LPGAT1: variants seen among roughly 807,000 people sequenced by gnomAD.
LPGAT1 encodes the protein lysophosphatidylglycerol acyltransferase 1, also known as acyl-CoA:lysophosphatidylglycerol acyltransferase 1.
A neutral mutation model predicts 47.5 loss-of-function variants in LPGAT1; 11 were observed. The observed-to-expected ratio is 0.23, with a 90% CI of 0.15 to 0.38. The LOEUF is 0.38. Among genes scored for constraint, LPGAT1 ranks in the 10% least tolerant of loss-of-function variants. LPGAT1 has a pLI of 1.00. For missense variants in LPGAT1, 293 were observed against 439.0 expected, an observed-to-expected ratio of 0.67 and a Z score of 2.97; for synonymous variants, 138 against 144.2, an observed-to-expected ratio of 0.96 and a Z score of 0.31.
intron 2 of LPGAT1, among the ~76,000 whole-genome samples, chr1:211,813,926 T>TG: frequency 6.6e-6 from 1 of 152,330 alleles, no homozygotes; most frequent in Non-Finnish European, 1.5e-5. Context: ...GTCAAGAACA[T>TG]GAAGGAGAAA....
chr1:211,820,727 T>C (rs1660341500), intron 2 of LPGAT1, among the ~76,000 whole-genome samples: 1 of 151,980 alleles, frequency 6.6e-6, no homozygotes, highest in Admixed American at 6.5e-5. Context: ...AGATTCAACA[T>C]ACATATAACT....
intron 6 of LPGAT1, among the ~76,000 whole-genome samples, chr1:211,768,265 T>G (rs1658023297): frequency 6.6e-6 from 1 of 152,254 alleles, no homozygotes. Context: ...ATGAAAATGC[T>G]TTTGTTGCAA....
At chr1:211,753,957 AAAG>A (rs556926113) in intron 6 of LPGAT1, among the ~76,000 whole-genome samples, 3 of 152,124 alleles carry the variant, frequency 2.0e-5, no homozygotes, top group Non-Finnish European at 4.4e-5. Flanking sequence ...CCCCTTCCCC[AAAG>A]AAACATCCTC....
At position 211,830,293 on chromosome 1, in the gene LPGAT1, G is replaced by A; in HGVS notation, c.-28+280C>T. ...GCCCAAGCGGCCCGAGGCGCTGCGCGAGCGGGCGCGCTGGCGCCCTACTCC... is the reference window on the plus strand; with the variant it reads ...GCCCAAGCGGCCCGAGGCGCTGCGCAAGCGGGCGCGCTGGCGCCCTACTCC... On this transcript the variant is annotated intron_variant, in intron 1 of 7. Coordinates refer to ENST00000366997, the MANE Select transcript of LPGAT1 (RefSeq NM_014873.3). The surrounding 1 kb of genome is among the most constrained non-coding windows in gnomAD (Gnocchi z 5.9). 9.5e-7 allele frequency: 1 copy of A among 1,054,078 alleles called. No homozygotes were observed. 65.3% of individuals were successfully genotyped at this position (1,054,078 alleles called of 1,614,324 possible).
Position 211,747,821 on chromosome 1 carries a change from C to T in LPGAT1, c.*2078G>A, listed in dbSNP as rs1049517220. Reference sequence around the variant, plus strand: ...ATTGAGATTGGTTTCATTTATTCACCGACACTGTAGAACACATAATGAAAT... The same window carrying T: ...ATTGAGATTGGTTTCATTTATTCACTGACACTGTAGAACACATAATGAAAT... On this transcript the variant is annotated 3_prime_UTR_variant, in exon 8 of 8. Transcript: ENST00000366997. 2.0e-5 allele frequency: 3 copies of T among 152,384 alleles called. No individual in the cohort carries two copies. Among genetic ancestry groups the T allele is most frequent in the East Asian group, 1.9e-4 (1 of 5,194 alleles). The allele number at this position is 152,384 out of a possible 1,614,324, so 9.4% of individuals were successfully genotyped here.
At position 211,787,985 on chromosome 1, in the gene LPGAT1, T is replaced by C. The variant is rs140274957; in HGVS notation, c.358-258A>G. Among the ~76,000 whole-genome samples the C allele has an allele frequency of 2.4e-3, 373 of 152,324 alleles. 3 individuals carry two copies. The highest frequency in any genetic ancestry group is 8.3e-3 in the African/African-American group (346 of 41,572). ...ATATAAAAAATGAAACTCAATTAAC[T>C]TCTTAAATTTGGACTTAATGATTTC... is the stretch of plus-strand genomic sequence containing the variant. On this transcript the variant is annotated intron_variant, in intron 3 of 7. Transcript: ENST00000366997.
chr1:211,760,990 A>G (rs941723757), intron 6 of LPGAT1, among the ~76,000 whole-genome samples: 3 of 152,214 alleles, frequency 2.0e-5, no homozygotes, highest in Non-Finnish European at 4.4e-5. Flanking sequence ...TTACTTTTAG[A>G]TAATTTAATA....
chr1:211,819,564 G>A (rs1269079678), intron 2 of LPGAT1, among the ~76,000 whole-genome samples: 2 of 152,142 alleles, frequency 1.3e-5, no homozygotes, highest in African/African-American at 4.8e-5. Flanking sequence ...GAACAAGGCT[G>A]AGATCAAACA....
intron 6 of LPGAT1, among the ~76,000 whole-genome samples, chr1:211,773,808 G>A (rs1021738744): frequency 6.6e-6 from 1 of 152,190 alleles, no homozygotes; most frequent in South Asian, 2.1e-4. Context: ...AAAAAGAGGA[G>A]AGGAGGAGGA....
At position 211,778,980 on chromosome 1, in the gene LPGAT1, A is replaced by C; in HGVS notation, c.792T>G (p.Pro264=). Residue 264 remains proline (P), a synonymous_variant, in exon 6 of 8, where the codon CCT becomes CCG. Transcript: ENST00000366997. The part of the protein sequence containing the change: ...DTTIAYPKAE[P]IDIQTWILGY... ...CAAGGATCCAGGTTTGAATATCTAT[A>C]GGTTCAGCTTTGGGATAAGCTATCG... is the stretch of plus-strand genomic sequence containing the variant. 5.0e-6 allele frequency: 8 copies of C among 1,610,554 alleles called. No homozygotes were observed. Among genetic ancestry groups the C allele is most frequent in the Non-Finnish European group, 6.8e-6 (8 of 1,178,658 alleles).
At chr1:211,753,173 C>A (rs1359156636) in intron 6 of LPGAT1, among the ~76,000 whole-genome samples, 1 of 152,152 alleles carries the variant, frequency 6.6e-6, no homozygotes. Context: ...TGAGTCCCTG[C>A]ACTCCTAAAT....
At chr1:211,767,058 T>G (rs1168499586) in intron 6 of LPGAT1, among the ~76,000 whole-genome samples, 1 of 152,208 alleles carries the variant, frequency 6.6e-6, no homozygotes, top group East Asian at 1.9e-4. Flanking sequence ...AAACACAGAA[T>G]TTGATTCACA....
chr1:211,770,221 C>T (rs914096389), intron 6 of LPGAT1, among the ~76,000 whole-genome samples: 28 of 151,948 alleles, frequency 1.8e-4, no homozygotes, highest in African/African-American at 6.8e-4. Flanking sequence ...ATATATAGCC[C>T]CAAGTAGAAC....
At chr1:211,764,452 A>G (rs1012382987) in intron 6 of LPGAT1, among the ~76,000 whole-genome samples, 16 of 152,228 alleles carry the variant, frequency 1.1e-4, no homozygotes, top group Non-Finnish European at 2.1e-4. Context: ...TACCAGGGTT[A>G]GTGTGGCAAC....
chr1:211,745,236 A>C lies in LPGAT1; in HGVS notation c.*4663T>G, dbSNP rs1453722573. ...TTACAACATGCAGATAACACAAAGA[A>C]AGGTCAACAAGCTGAAGTAAACATT... On this transcript the variant is annotated 3_prime_UTR_variant, in exon 8 of 8. Transcript: ENST00000366997. 6.6e-6 allele frequency: 1 copy of C among 152,634 alleles called. No homozygotes were observed. Among genetic ancestry groups the C allele is most frequent in the Non-Finnish European group, 1.5e-5 (1 of 68,034 alleles). 9.5% of individuals were successfully genotyped at this position (152,634 alleles called of 1,614,324 possible).
At chr1:211,827,602 C>A (rs567814015) in intron 2 of LPGAT1, among the ~76,000 whole-genome samples, 33 of 152,178 alleles carry the variant, frequency 2.2e-4, no homozygotes, top group African/African-American at 6.3e-4. Context: ...AAGAATAAAG[C>A]CACTAGTACC....
At chr1:211,770,597 G>A (rs777135950) in intron 6 of LPGAT1, among the ~76,000 whole-genome samples, 6 of 152,156 alleles carry the variant, frequency 3.9e-5, no homozygotes, top group Non-Finnish European at 7.3e-5. Flanking sequence ...CTGTTGCCTA[G>A]TGATGTCATA....
chr1:211,804,683 T>C (rs1410069386), intron 2 of LPGAT1, among the ~76,000 whole-genome samples: 1 of 152,218 alleles, frequency 6.6e-6, no homozygotes, highest in Non-Finnish European at 1.5e-5. Flanking sequence ...CACATAATAA[T>C]GTATTACATG....
chr1:211,779,040 G>A lies in LPGAT1; in HGVS notation c.732C>T (p.Ser244=), dbSNP rs1050491875. The stretch of plus-strand genomic sequence containing the variant: ...TTATCCACTGGAGGCCTTTTGATTT[G>A]CTGTCTGAGAACAAAGAAAAAAAGA... The part of the protein sequence containing the change: ...PAGGDAKELD[S]KSKGLQWIID... The change falls in exon 6 of 8, where the codon AGC becomes AGT. Residue 244 remains serine (S), a synonymous_variant. Transcript: ENST00000366997. 3.8e-6 allele frequency: 6 copies of A among 1,572,124 alleles called. No individual in the cohort carries two copies. The East Asian group carries it at 6.8e-5, about 18-fold the overall frequency.
Sources: allele counts gnomAD v4.1 joint callset (sites outside exome capture counted in the v4.1 genomes callset), GRCh38; gene constraint gnomAD v4.1.1; non-coding constraint Gnocchi (gnomAD v3.1); transcripts MANE v1.5; gene names NCBI Gene and HGNC (gene_info 2026-07-23, HGNC 2026-07-21).